The following GRIK2 variants were observed in gnomAD, a reference collection of about 807,000 sequenced individuals.
GRIK2 encodes the protein glutamate receptor ionotropic, kainate 2.
GRIK2 carries 32 observed loss-of-function variants against 100.3 expected under a neutral mutation model. The observed-to-expected ratio is 0.32, with a 90% CI of 0.24 to 0.43. GRIK2 has a LOEUF of 0.43. Ranked by LOEUF, GRIK2 falls within the 20% of genes least tolerant of loss-of-function variation. The probability of loss-of-function intolerance (pLI) is 1.00; values close to 1 mark genes in which losing one functional copy is unlikely to be tolerated. For synonymous variants in GRIK2, 417 were observed against 389.4 expected, an observed-to-expected ratio of 1.07 and a Z score of -0.83; for missense variants, 843 against 1,114.9, an observed-to-expected ratio of 0.76 and a Z score of 3.47.
At chr6:101,823,872 T>G (rs75318440) in intron 10 of GRIK2, among the ~76,000 whole-genome samples, 59 of 150,898 alleles carry the variant, frequency 3.9e-4, no homozygotes, top group Middle Eastern at 3.4e-3. Flanking sequence ...GTTTTTTTTT[T>G]TTTGTTTTTT....
chr6:101,629,860 C>T (rs546920084), intron 4 of GRIK2, among the ~76,000 whole-genome samples: 1 of 152,084 alleles, frequency 6.6e-6, no homozygotes, highest in African/African-American at 2.4e-5. Flanking sequence ...CCCTTAACCT[C>T]TTCTCTCCCT....
At chr6:101,807,580 T>TGAA (rs1781083711) in intron 9 of GRIK2, among the ~76,000 whole-genome samples, 1 of 151,768 alleles carries the variant, frequency 6.6e-6, no homozygotes, top group African/African-American at 2.4e-5. Flanking sequence ...TGGAAAGAAA[T>TGAA]GAAGACCTCA....
intron 10 of GRIK2, among the ~76,000 whole-genome samples, chr6:101,830,914 T>C (rs1582326258): frequency 6.6e-6 from 1 of 151,730 alleles, no homozygotes; most frequent in East Asian, 1.9e-4. Flanking sequence ...GAGCTAAACA[T>C]TGGTACACAT....
chr6:101,609,064 G>A (rs1311040679), intron 2 of GRIK2, among the ~76,000 whole-genome samples: 1 of 151,600 alleles, frequency 6.6e-6, no homozygotes, highest in Non-Finnish European at 1.5e-5. Flanking sequence ...TTTTATATGA[G>A]TCCTTGTGGG....
intron 10 of GRIK2, among the ~76,000 whole-genome samples, chr6:101,837,402 A>G (rs1487193135): frequency 1.3e-5 from 2 of 152,310 alleles, no homozygotes; most frequent in East Asian, 1.9e-4. Context: ...TATTCTTACC[A>G]CACACACTAA....
chr6:101,697,812 T>C (rs1439924790), intron 7 of GRIK2, among the ~76,000 whole-genome samples: 6 of 152,106 alleles, frequency 3.9e-5, no homozygotes, highest in Non-Finnish European at 8.8e-5. Flanking sequence ...AGCTATTCGA[T>C]GAAACCAGCC....
chr6:101,710,122 A>G (rs1046502090), intron 7 of GRIK2, among the ~76,000 whole-genome samples: 3 of 151,892 alleles, frequency 2.0e-5, no homozygotes, highest in African/African-American at 7.2e-5. Flanking sequence ...TCAGAATTAC[A>G]TTTACTATGT....
intron 2 of GRIK2, among the ~76,000 whole-genome samples, chr6:101,442,919 A>T (rs1338754205): frequency 6.6e-6 from 1 of 152,148 alleles, no homozygotes; most frequent in Non-Finnish European, 1.5e-5. Context: ...TCTTGACTGA[A>T]TCCGCAAATA....
At chr6:101,742,932 A>G (rs533424563) in intron 7 of GRIK2, among the ~76,000 whole-genome samples, 3 of 152,338 alleles carry the variant, frequency 2.0e-5, no homozygotes, top group Non-Finnish European at 2.9e-5. Context: ...CTGGCTGAGG[A>G]CGAAGTCCAT....
intron 2 of GRIK2, among the ~76,000 whole-genome samples, chr6:101,415,512 A>G (rs986178648): frequency 6.6e-6 from 1 of 151,630 alleles, no homozygotes; most frequent in Non-Finnish European, 1.5e-5. Flanking sequence ...CTGTGAATAC[A>G]GGCGCCCGCC....
At chr6:101,577,914 C>A (rs960842081) in intron 2 of GRIK2, among the ~76,000 whole-genome samples, 2 of 152,034 alleles carry the variant, frequency 1.3e-5, no homozygotes, top group East Asian at 3.9e-4. Context: ...TGGATGGGAA[C>A]AACGTAGAAG....
chr6:101,427,115 A>G (rs1281017264), intron 2 of GRIK2, among the ~76,000 whole-genome samples: 2 of 152,144 alleles, frequency 1.3e-5, no homozygotes, highest in African/African-American at 4.8e-5. Context: ...GCCTTGGGGA[A>G]GGTTGGGGCA....
At chr6:101,816,230 G>A (rs918972456) in intron 9 of GRIK2, among the ~76,000 whole-genome samples, 7 of 145,334 alleles carry the variant, frequency 4.8e-5, no homozygotes, top group African/African-American at 1.9e-4. Flanking sequence ...TAGCTATTTT[G>A]CCAATTTATA....
chr6:101,531,328 C>T (rs1031161021), intron 2 of GRIK2, among the ~76,000 whole-genome samples: 2 of 151,754 alleles, frequency 1.3e-5, no homozygotes, highest in Non-Finnish European at 2.9e-5. Flanking sequence ...CAGGTCTCAT[C>T]GTATATACGT....
At chr6:102,053,647 G>A (rs1050438553) in intron 15 of GRIK2, among the ~76,000 whole-genome samples, 1 of 152,054 alleles carries the variant, frequency 6.6e-6, no homozygotes, top group Non-Finnish European at 1.5e-5. Context: ...TTGTTAATTT[G>A]TTGACCAGAA....
At chr6:101,563,537 T>A (rs1268471459) in intron 2 of GRIK2, among the ~76,000 whole-genome samples, 3 of 152,126 alleles carry the variant, frequency 2.0e-5, no homozygotes, top group African/African-American at 7.2e-5. Flanking sequence ...AATCAGTGAT[T>A]TTTGCAAATG....
chr6:101,434,109 C>T (rs1462864951), intron 2 of GRIK2, among the ~76,000 whole-genome samples: 1 of 152,200 alleles, frequency 6.6e-6, no homozygotes, highest in East Asian at 1.9e-4. Flanking sequence ...GTTTTAGACA[C>T]TAACGTGCAA....
chr6:101,818,339 C>A, intron 9 of GRIK2, 31 bp from the exon 10 acceptor site: 1 of 1,245,094 alleles, frequency 8.0e-7, no homozygotes, highest in Non-Finnish European at 1.2e-6. Flanking sequence ...GCCTGATGGA[C>A]AATTTACAAA....
rs148105760 is a variant in GRIK2 at position 101,899,403 on chromosome 6, T to A, written c.1748+9540T>A. Among the ~76,000 whole-genome samples, 1,205 of 152,154 alleles carry A rather than the reference T, an allele frequency of 7.9e-3. 22 individuals are homozygous for A. The highest frequency in any genetic ancestry group is 0.027 in the African/African-American group (1,140 of 41,564). ...ATTCACGTTTCATTCCTAATGACAGTAAACCATATTAATGAAGTTATTATA... is the reference window on the plus strand; with the variant it reads ...ATTCACGTTTCATTCCTAATGACAGAAAACCATATTAATGAAGTTATTATA... On this transcript the variant is annotated intron_variant, in intron 12 of 16. Transcript: ENST00000369134.
Sources: gnomAD v4.1 joint callset for allele counts (sites outside exome capture counted in the v4.1 genomes callset) on GRCh38, gnomAD v4.1.1 for gene constraint, MANE v1.5 for transcripts, NCBI Gene and HGNC (gene_info 2026-07-23, HGNC 2026-07-21) for gene names.